The following HECW1 variants were observed in gnomAD, a reference collection of about 807,000 sequenced individuals.
The protein encoded by HECW1 is HECT, C2 and WW domain containing E3 ubiquitin protein ligase 1, also known as E3 ubiquitin-protein ligase HECW1.
In HECW1, 61 loss-of-function variants were observed where a neutral mutation model predicts 182.3. The ratio of observed to expected loss-of-function variants is 0.33; its 90% CI spans 0.27 to 0.41. HECW1 has a LOEUF of 0.41. Ranked by LOEUF, HECW1 falls within the 10% of genes least tolerant of loss-of-function variation. The pLI, the probability that HECW1 is intolerant of heterozygous loss-of-function variation, is 1.00. For synonymous variants in HECW1, 859 were observed against 832.6 expected (o/e 1.03, Z -0.55); for missense variants, 1,739 against 2,108.9 (o/e 0.82, Z 3.44).
chr7:43,516,065 A>C (rs369135763), intron 24 of HECW1, among the ~76,000 whole-genome samples: 2 of 152,260 alleles, frequency 1.3e-5, no homozygotes, highest in East Asian at 3.8e-4. Context: ...TAGTGCATCC[A>C]TTTATAATTT....
At chr7:43,522,324 C>G in intron 24 of HECW1, 1 of 151,696 alleles carries the variant, frequency 6.6e-6, no homozygotes, top group South Asian at 2.1e-4. Flanking sequence ...CCAGGTGAGT[C>G]TCGGTGCAGT....
intron 2 of HECW1, among the ~76,000 whole-genome samples, chr7:43,210,303 T>C (rs1795892267): frequency 6.6e-6 from 1 of 151,974 alleles, no homozygotes. Context: ...TGCATTGTGA[T>C]GAGGTGAGAA....
intron 21 of HECW1, among the ~76,000 whole-genome samples, chr7:43,505,524 C>T (rs1007584092): frequency 1.3e-5 from 2 of 152,188 alleles, no homozygotes; most frequent in Admixed American, 1.3e-4. Flanking sequence ...AACAATGTAC[C>T]TTGTCCTGTT....
At chr7:43,446,939 T>G (rs530443830) in intron 11 of HECW1, among the ~76,000 whole-genome samples, 1 of 152,160 alleles carries the variant, frequency 6.6e-6, no homozygotes, top group African/African-American at 2.4e-5. Context: ...CGCAGGAAGA[T>G]GGAGTGGCAT....
Position 43,541,270 on chromosome 7 carries a change from TTTGCAGACCATGC to T in HECW1, c.4118+12_4118+24del. On this transcript the variant is annotated intron_variant, in intron 25 of 29. Coordinates refer to ENST00000395891, the MANE Select transcript of HECW1 (RefSeq NM_015052.5). ...AAGGCACTCCTGAGACTGTAAGTGC[TTTGCAGACCATGC>T]TTCCAACCCAGCCCTGTCTGCAGGG... 12 of 1,604,470 alleles carry T rather than the reference TTTGCAGACCATGC, an allele frequency of 7.5e-6. No homozygotes were observed. Among genetic ancestry groups the T allele is most frequent in the Non-Finnish European group, 9.4e-6 (11 of 1,171,266 alleles).
chr7:43,194,401 T>A (rs1380518067), intron 2 of HECW1: 1 of 152,176 alleles, frequency 6.6e-6, no homozygotes, highest in Non-Finnish European at 1.5e-5. Flanking sequence ...TCAGATGCAG[T>A]GTATGAAGAA....
intron 2 of HECW1, among the ~76,000 whole-genome samples, chr7:43,182,927 T>G (rs1562642900): frequency 1.1e-5 from 1 of 88,692 alleles, no homozygotes; most frequent in Non-Finnish European, 2.6e-5. Context: ...AGAAATAGAT[T>G]TTTTTTTGGT....
intron 3 of HECW1, among the ~76,000 whole-genome samples, chr7:43,255,950 C>T (rs1800524857): frequency 6.6e-6 from 1 of 152,162 alleles, no homozygotes; most frequent in Non-Finnish European, 1.5e-5. Context: ...AAAGTTATGT[C>T]ATCTGCTTCC....
intron 3 of HECW1, among the ~76,000 whole-genome samples, chr7:43,308,082 ATTATATATTATATATG>A (rs1807887417): frequency 1.9e-5 from 2 of 107,264 alleles, no homozygotes; most frequent in African/African-American, 7.8e-5. Context: ...AATATAATAT[ATTATATATTATATATG>A]TTATATATAA....
At chr7:43,345,874 A>G (rs1039386283) in intron 5 of HECW1, among the ~76,000 whole-genome samples, 1 of 151,928 alleles carries the variant, frequency 6.6e-6, no homozygotes, top group African/African-American at 2.4e-5. Context: ...ACACACACAC[A>G]CACTACAGCC....
At chr7:43,209,809 G>A (rs1030073417) in intron 2 of HECW1, among the ~76,000 whole-genome samples, 5 of 152,154 alleles carry the variant, frequency 3.3e-5, no homozygotes, top group African/African-American at 1.2e-4. Context: ...AATGAGAGGC[G>A]GGCATTCCAG....
intron 24 of HECW1, among the ~76,000 whole-genome samples, chr7:43,514,162 ACCACAAGAG>A (rs2152932321): frequency 6.6e-6 from 1 of 152,296 alleles, no homozygotes; most frequent in African/African-American, 2.4e-5. Flanking sequence ...ATGGAAAATT[ACCACAAGAG>A]CCTCTACATT....
At chr7:43,301,210 A>G (rs1370952434) in intron 3 of HECW1, among the ~76,000 whole-genome samples, 1 of 152,238 alleles carries the variant, frequency 6.6e-6, no homozygotes, top group Non-Finnish European at 1.5e-5. Context: ...CAGACAGCTA[A>G]GAGGAGCTCT....
At chr7:43,275,712 A>G (rs1318002345) in intron 3 of HECW1, among the ~76,000 whole-genome samples, 1 of 151,672 alleles carries the variant, frequency 6.6e-6, no homozygotes, top group Non-Finnish European at 1.5e-5. Context: ...GCGCACGCAC[A>G]CACACACACA....
rs78207718 is a variant in HECW1, at chr7:43,481,747, G to A, written c.3234+2003G>A. ...CACCTGTAATCCCAGCACTTTAGGA[G>A]GTCGAGGCAGGCAGATCACGAGGTC... On this transcript the variant is annotated intron_variant, in intron 17 of 29. Coordinates refer to ENST00000395891, the MANE Select transcript of HECW1 (RefSeq NM_015052.5). Among the ~76,000 whole-genome samples the A allele has an allele frequency of 3.9e-3, 591 of 152,166 alleles. 13 individuals carry two copies. In the East Asian group the frequency reaches 0.081, roughly 21 times the overall value.
At chr7:43,162,577 T>C (rs1306885588) in intron 2 of HECW1, among the ~76,000 whole-genome samples, 1 of 152,202 alleles carries the variant, frequency 6.6e-6, no homozygotes, top group African/African-American at 2.4e-5. Flanking sequence ...TGCACCCTTT[T>C]CCCAGATAAG....
At chr7:43,362,131 CAAAAAAAAAAAA>C (rs34879817) in intron 6 of HECW1, among the ~76,000 whole-genome samples, 1 of 87,850 alleles carries the variant, frequency 1.1e-5, no homozygotes, top group African/African-American at 4.3e-5. Context: ...AACTCCGTCT[CAAAAAAAAAAAA>C]AAAAAAAAAG....
chr7:43,186,687 AAG>A (rs201675550), intron 2 of HECW1, among the ~76,000 whole-genome samples: 2,811 of 149,448 alleles, frequency 0.019, 86 homozygotes, highest in African/African-American at 0.067. Flanking sequence ...AAAAAAAAAA[AAG>A]GATTATCATA....
intron 21 of HECW1, among the ~76,000 whole-genome samples, chr7:43,503,064 G>A (rs148866951): frequency 3.2e-4 from 49 of 152,300 alleles, no homozygotes; most frequent in African/African-American, 1.2e-3. Context: ...CCTCTTAGAG[G>A]TAGTTGTGCT....
Sources: allele counts gnomAD v4.1 joint callset (sites outside exome capture counted in the v4.1 genomes callset), GRCh38; gene constraint gnomAD v4.1.1; transcripts MANE v1.5; gene names NCBI Gene and HGNC (gene_info 2026-07-23, HGNC 2026-07-21).